Variants in LRPPRC observed in about 807,000 individuals in gnomAD.
The protein encoded by LRPPRC is leucine-rich PPR motif-containing protein, mitochondrial.
In LRPPRC, 120 loss-of-function variants were observed where a neutral mutation model predicts 180.3. That is an observed-to-expected ratio of 0.67 (90% CI 0.57 to 0.77). The LOEUF is 0.77. LRPPRC is among the 30% of genes least tolerant of loss of function. The probability of loss-of-function intolerance (pLI) is 0.00; values close to 1 mark genes in which losing one functional copy is unlikely to be tolerated. For missense variants in LRPPRC, 2,012 were observed against 1,657.2 expected, an observed-to-expected ratio of 1.21 and a Z score of -3.72; for synonymous variants, 723 against 600.0, an observed-to-expected ratio of 1.21 and a Z score of -3.00.
intron 14 of LRPPRC, among the ~76,000 whole-genome samples, chr2:43,957,149 C>A (rs1673151614): frequency 6.6e-6 from 1 of 152,150 alleles, no homozygotes; most frequent in Admixed American, 6.5e-5. Context: ...GACTTTCTTC[C>A]TGGAAACAGG....
chr2:43,905,277 C>A (rs1671032070), intron 31 of LRPPRC, among the ~76,000 whole-genome samples: 1 of 152,152 alleles, frequency 6.6e-6, no homozygotes, highest in Admixed American at 6.5e-5. Flanking sequence ...CACACACAAC[C>A]AACACAATAT....
intron 13 of LRPPRC, among the ~76,000 whole-genome samples, chr2:43,960,165 A>G (rs1342195368): frequency 1.3e-5 from 2 of 152,228 alleles, no homozygotes; most frequent in African/African-American, 4.8e-5. Flanking sequence ...CTTCAGAAAC[A>G]ATACCGCATT....
Position 43,943,764 on chromosome 2 carries a change from A to C in LRPPRC, c.2427T>G (p.His809Gln). The stretch of plus-strand genomic sequence containing the variant: ...CTAACCCTAGAGTCACGATGGCTTC[A>C]TGCAACTGTTTTACTGTTTCAATTT... Reference protein sequence around the residue: ...RGEIETVKQLHEAIVTLGLAE... With the variant: ...RGEIETVKQLQEAIVTLGLAE... Residue 809 changes from histidine (H) to glutamine (Q), a missense_variant, in exon 23 of 38, where the codon CAT (histidine) becomes CAG (glutamine). Coordinates refer to ENST00000260665, the MANE Select transcript of LRPPRC (RefSeq NM_133259.4). 1 of 1,613,598 alleles carries C rather than the reference A, an allele frequency of 6.2e-7. No individual in the cohort carries two copies. Among genetic ancestry groups the C allele is most frequent in the Non-Finnish European group, 8.5e-7 (1 of 1,179,528 alleles).
At chr2:43,899,087 C>T in intron 34 of LRPPRC, 132 bp downstream of exon 34, 1 of 711,650 alleles carries the variant, frequency 1.4e-6, no homozygotes, top group Non-Finnish European at 2.5e-6. Flanking sequence ...GTGATTCACA[C>T]TGAATGTAAA....
intron 11 of LRPPRC, among the ~76,000 whole-genome samples, chr2:43,970,344 G>A (rs1673749050): frequency 1.3e-5 from 2 of 152,098 alleles, no homozygotes; most frequent in South Asian, 2.1e-4. Context: ...TCAATCACTC[G>A]CTCAGGCAGC....
At chr2:43,978,497 T>G (rs1365225218) in intron 3 of LRPPRC, among the ~76,000 whole-genome samples, 1 of 152,170 alleles carries the variant, frequency 6.6e-6, no homozygotes, top group African/African-American at 2.4e-5. Context: ...TAATGCTTTT[T>G]TCTATTTTAG....
intron 31 of LRPPRC, chr2:43,902,652 C>G (rs910680241): frequency 6.6e-6 from 1 of 151,860 alleles, no homozygotes; most frequent in African/African-American, 2.4e-5. Flanking sequence ...AAAGCATAGT[C>G]AATAAAAATT....
chr2:43,980,993 T>A (rs574674175), intron 2 of LRPPRC, among the ~76,000 whole-genome samples: 1 of 152,136 alleles, frequency 6.6e-6, no homozygotes, highest in East Asian at 1.9e-4. Flanking sequence ...TTCTTTGGTA[T>A]CTCTCACCAT....
chr2:43,928,615 G>A (rs1193233656), intron 25 of LRPPRC, among the ~76,000 whole-genome samples: 1 of 152,128 alleles, frequency 6.6e-6, no homozygotes, highest in African/African-American at 2.4e-5. Context: ...GCTGGAGAAG[G>A]TGGTATGCAC....
chr2:43,918,745 C>T (rs1267280378), intron 27 of LRPPRC, among the ~76,000 whole-genome samples: 3 of 148,184 alleles, frequency 2.0e-5, no homozygotes, highest in Non-Finnish European at 4.5e-5. Context: ...GACAATTCAA[C>T]TATGACCTTT....
At chr2:43,956,676 G>C (rs112432139) in intron 14 of LRPPRC, among the ~76,000 whole-genome samples, 1 of 152,126 alleles carries the variant, frequency 6.6e-6, no homozygotes, top group South Asian at 2.1e-4. Flanking sequence ...AATCACCTGA[G>C]GTCAGGAGTT....
At chr2:43,938,423 T>C (rs971580675) in intron 23 of LRPPRC, among the ~76,000 whole-genome samples, 6 of 152,134 alleles carry the variant, frequency 3.9e-5, no homozygotes, top group Non-Finnish European at 5.9e-5. Context: ...ATAGGCTGGG[T>C]CCAGCAAGAA....
At position 43,977,231 on chromosome 2, in the gene LRPPRC, T is replaced by TA; in HGVS notation, c.514dup (p.Tyr172LeufsTer5). On this transcript the variant is annotated frameshift_variant, in exon 4 of 38. Transcript: ENST00000260665. LOFTEE classifies it high-confidence loss of function. ...TGAGAATTTATATTCATTTTGAAGATAGACTTTAAGTAAAGCATTATAGTG... is the reference window on the plus strand; with the variant it reads ...TGAGAATTTATATTCATTTTGAAGATAAGACTTTAAGTAAAGCATTATAGTG... The TA allele has an allele frequency of 6.2e-7, 1 of 1,601,644 alleles. No individual in the cohort carries two copies. The highest frequency in any genetic ancestry group is 8.6e-7 in the Non-Finnish European group (1 of 1,168,764).
chr2:43,995,063 A>G (rs1478777148), intron 1 of LRPPRC, among the ~76,000 whole-genome samples: 1 of 152,072 alleles, frequency 6.6e-6, no homozygotes, highest in Admixed American at 6.5e-5. Context: ...CAACATGGTG[A>G]AACCCAGTCT....
intron 32 of LRPPRC, 76 bp downstream of exon 32, chr2:43,901,244 G>T: frequency 8.4e-7 from 1 of 1,187,508 alleles, no homozygotes; most frequent in Non-Finnish European, 1.2e-6. Context: ...GTCTAAAAAA[G>T]TTTTTAAAAG....
upstream of LRPPRC, chr2:43,996,100 C>T (rs988866255): frequency 9.4e-6 from 6 of 635,004 alleles, no homozygotes; most frequent in South Asian, 3.8e-5. Flanking sequence ...GATGGAAAAC[C>T]GCACTTCTCC....
At chr2:43,982,167 G>A (rs775931074) in intron 2 of LRPPRC, 71 bp downstream of exon 2, 2 of 1,072,148 alleles carry the variant, frequency 1.9e-6, no homozygotes, top group Admixed American at 2.4e-5. Context: ...CTCCCAAAGT[G>A]CTGGGATTAC....
intron 1 of LRPPRC, among the ~76,000 whole-genome samples, chr2:43,990,798 G>A (rs1674740191): frequency 6.6e-6 from 1 of 151,358 alleles, no homozygotes; most frequent in Non-Finnish European, 1.5e-5. Flanking sequence ...CAGAGCAGAG[G>A]CCGAATGTTA....
rs1558966898 is a variant in LRPPRC, at chr2:43,934,731, TAAGATACTAGA to T, written c.2629+12_2629+22del. On this transcript the variant is annotated intron_variant, in intron 24 of 37. Coordinates refer to ENST00000260665, the MANE Select transcript of LRPPRC (RefSeq NM_133259.4). ...GCAAGAAGGGAAAAAAAAACTACATTAAGATACTAGAAAGTGACTCACCTTTCTGAATTAGA... is the reference window on the plus strand; with the variant it reads ...GCAAGAAGGGAAAAAAAAACTACATTAAGTGACTCACCTTTCTGAATTAGA... 1 of 1,610,782 alleles carries T rather than the reference TAAGATACTAGA, an allele frequency of 6.2e-7. No homozygotes were observed. Among genetic ancestry groups the T allele is most frequent in the Admixed American group, 1.7e-5 (1 of 59,984 alleles).
Sources: allele counts gnomAD v4.1 joint callset (sites outside exome capture counted in the v4.1 genomes callset), GRCh38; gene constraint gnomAD v4.1.1; transcripts MANE v1.5; gene names NCBI Gene and HGNC (gene_info 2026-07-23, HGNC 2026-07-21).